SAMMSON: variants seen among roughly 807,000 people sequenced by gnomAD.
The protein encoded by SAMMSON is survival associated mitochondrial melanoma specific oncogenic non-coding RNA, also known as long intergenic non-protein coding RNA 1212.
intron 7 of SAMMSON, among the ~76,000 whole-genome samples, chr3:70,336,430 A>T (rs985487709): frequency 1.3e-5 from 2 of 152,020 alleles, no homozygotes; most frequent in Non-Finnish European, 2.9e-5. Context: ...TTATACAAGG[A>T]TTTACTTCCT....
intron 3 of SAMMSON, among the ~76,000 whole-genome samples, chr3:70,040,477 T>C (rs1032012400): frequency 6.6e-6 from 1 of 152,176 alleles, no homozygotes; most frequent in African/African-American, 2.4e-5. Flanking sequence ...TTCTATCCTT[T>C]GTAGAAAACA....
chr3:70,000,599 A>G (rs2066902172), intron 1 of SAMMSON, among the ~76,000 whole-genome samples: 1 of 152,228 alleles, frequency 6.6e-6, no homozygotes, highest in Non-Finnish European at 1.5e-5. Context: ...TTCTCTTTTC[A>G]CATAACAGAA....
At chr3:70,294,975 A>T (rs926439328) in intron 7 of SAMMSON, among the ~76,000 whole-genome samples, 1 of 152,046 alleles carries the variant, frequency 6.6e-6, no homozygotes, top group African/African-American at 2.4e-5. Flanking sequence ...AACCCCAAAA[A>T]CCTTTACTAG....
intron 4 of SAMMSON, among the ~76,000 whole-genome samples, chr3:70,085,914 G>A (rs2067283735): frequency 6.6e-6 from 1 of 152,136 alleles, no homozygotes; most frequent in African/African-American, 2.4e-5. Flanking sequence ...CTTAATCATA[G>A]CCTATGGCTC....
intron 7 of SAMMSON, among the ~76,000 whole-genome samples, chr3:70,320,125 C>T (rs974462591): frequency 6.6e-6 from 1 of 151,874 alleles, no homozygotes. Flanking sequence ...TGCTGAGGAC[C>T]AGCAAACAGG....
At chr3:70,075,579 T>C (rs938022978) in intron 4 of SAMMSON, among the ~76,000 whole-genome samples, 1 of 152,158 alleles carries the variant, frequency 6.6e-6, no homozygotes, top group Non-Finnish European at 1.5e-5. Context: ...ACAAGATCTT[T>C]AAAAGAAGTT....
chr3:70,185,520 T>C (rs1255022946), intron 4 of SAMMSON, among the ~76,000 whole-genome samples: 1 of 152,182 alleles, frequency 6.6e-6, no homozygotes, highest in Non-Finnish European at 1.5e-5. Context: ...CTAGCTATTG[T>C]ATAAGTTTTA....
chr3:70,383,235 T>C (rs186329864), intron 9 of SAMMSON, among the ~76,000 whole-genome samples: 172 of 152,040 alleles, frequency 1.1e-3, no homozygotes, highest in African/African-American at 4.0e-3. Flanking sequence ...AAAAGACATA[T>C]CACTCCTTCA....
At chr3:70,227,148 A>T (rs1701515799) in intron 4 of SAMMSON, among the ~76,000 whole-genome samples, 1 of 152,230 alleles carries the variant, frequency 6.6e-6, no homozygotes, top group African/African-American at 2.4e-5. Context: ...AGGTTAAAGC[A>T]GGACTACAAC....
intron 3 of SAMMSON, among the ~76,000 whole-genome samples, chr3:70,037,849 G>A (rs555024347): frequency 3.3e-5 from 5 of 152,208 alleles, no homozygotes; most frequent in Admixed American, 6.5e-5. Flanking sequence ...TAAATCTTAC[G>A]TGGAGAGAGG....
At chr3:70,259,218 T>C (rs1701843858) in intron 6 of SAMMSON, among the ~76,000 whole-genome samples, 1 of 152,144 alleles carries the variant, frequency 6.6e-6, no homozygotes, top group African/African-American at 2.4e-5. Context: ...ATTCTATTCA[T>C]AGTCTATGCT....
At chr3:70,261,981 G>A (rs1282353385) in intron 6 of SAMMSON, among the ~76,000 whole-genome samples, 2 of 152,078 alleles carry the variant, frequency 1.3e-5, no homozygotes, top group Non-Finnish European at 2.9e-5. Flanking sequence ...ATACCAACCT[G>A]TCCTTCCTTA....
intron 4 of SAMMSON, among the ~76,000 whole-genome samples, chr3:70,084,025 C>T (rs2067276703): frequency 6.6e-6 from 1 of 152,262 alleles, no homozygotes; most frequent in South Asian, 2.1e-4. Context: ...GGAATCCCAA[C>T]CAGAGACCTT....
chr3:70,167,202 G>A (rs1225531189), intron 4 of SAMMSON, among the ~76,000 whole-genome samples: 34 of 152,092 alleles, frequency 2.2e-4, no homozygotes. Context: ...TGTGGCTAGT[G>A]ACTATCGTAT....
At chr3:70,047,125 AATAGCAGTTACTGTC>A (rs2107588191) in intron 3 of SAMMSON, among the ~76,000 whole-genome samples, 1 of 152,276 alleles carries the variant, frequency 6.6e-6, no homozygotes, top group South Asian at 2.1e-4. Flanking sequence ...TGTTAACAGT[AATAGCAGTTACTGTC>A]ATTTTTTAGT....
At chr3:70,064,693 G>C (rs1307323853) in intron 3 of SAMMSON, among the ~76,000 whole-genome samples, 1 of 152,108 alleles carries the variant, frequency 6.6e-6, no homozygotes, top group Admixed American at 6.5e-5. Flanking sequence ...GCAGATGTAA[G>C]GAAGGCACAA....
At chr3:70,432,147 T>C (rs1315126541) in intron 2 of SAMMSON, among the ~76,000 whole-genome samples, 1 of 152,038 alleles carries the variant, frequency 6.6e-6, no homozygotes, top group Non-Finnish European at 1.5e-5. Context: ...TTGTATCATT[T>C]TACATTTCCA....
chr3:70,123,562 GC>G (rs1414929498), intron 4 of SAMMSON, among the ~76,000 whole-genome samples: 2 of 152,158 alleles, frequency 1.3e-5, no homozygotes, highest in African/African-American at 4.8e-5. Flanking sequence ...GAGCCACCAT[GC>G]CCAGCCGGGT....
chr3:70,433,019 A>C, intron 2 of SAMMSON, among the ~76,000 whole-genome samples: 1 of 152,048 alleles, frequency 6.6e-6, no homozygotes, highest in Non-Finnish European at 1.5e-5. Flanking sequence ...TTACTGAATA[A>C]TATACCATTA....
Sources: gnomAD v4.1 joint callset for allele counts (sites outside exome capture counted in the v4.1 genomes callset) on GRCh38, gnomAD v4.1.1 for gene constraint, MANE v1.5 for transcripts, NCBI Gene and HGNC (gene_info 2026-07-23, HGNC 2026-07-21) for gene names.